NEDD4: variants seen among roughly 807,000 people sequenced by gnomAD.
NEDD4 encodes E3 ubiquitin-protein ligase NEDD4.
Under a neutral mutation model 144.9 loss-of-function variants are expected in NEDD4, and 99 were observed. The observed-to-expected ratio is 0.68, with a 90% CI of 0.58 to 0.81. The LOEUF is 0.81. NEDD4 is among the 30% of genes least tolerant of loss of function. The probability of loss-of-function intolerance (pLI) is 0.00; values close to 1 mark genes in which losing one functional copy is unlikely to be tolerated. For synonymous variants in NEDD4, 318 were observed against 350.6 expected (o/e 0.91, Z 1.04); for missense variants, 985 against 1,065.9 (o/e 0.92, Z 1.06).
intron 4 of NEDD4, among the ~76,000 whole-genome samples, chr15:55,926,355 T>G (rs1595850995): frequency 6.6e-6 from 1 of 152,190 alleles, no homozygotes; most frequent in Admixed American, 6.5e-5. Flanking sequence ...CCCCTTGCAT[T>G]TATCTTTCCT....
At chr15:55,943,493 G>T (rs890847297) in intron 4 of NEDD4, among the ~76,000 whole-genome samples, 3 of 152,194 alleles carry the variant, frequency 2.0e-5, no homozygotes, top group Non-Finnish European at 4.4e-5. Context: ...AAAGGGCCCA[G>T]ATATGTCTCA....
intron 2 of NEDD4, among the ~76,000 whole-genome samples, chr15:55,964,223 G>A (rs1170835002): frequency 6.6e-6 from 1 of 152,020 alleles, no homozygotes; most frequent in Non-Finnish European, 1.5e-5. Context: ...GTGTTAGACT[G>A]TAAGATATTA....
intron 11 of NEDD4, among the ~76,000 whole-genome samples, chr15:55,858,979 G>A (rs1214436150): frequency 3.9e-5 from 6 of 152,214 alleles, no homozygotes; most frequent in East Asian, 3.9e-4. Flanking sequence ...TTGGCCCACC[G>A]GTTGTAGTTT....
At chr15:55,959,797 T>C (rs1218252021) in intron 2 of NEDD4, among the ~76,000 whole-genome samples, 2 of 152,178 alleles carry the variant, frequency 1.3e-5, no homozygotes, top group Admixed American at 6.5e-5. Flanking sequence ...TGCAAGGAAC[T>C]GAATGCCACC....
At chr15:55,840,042 A>ATATATG (rs762826342) in intron 21 of NEDD4, among the ~76,000 whole-genome samples, 2 of 100,686 alleles carry the variant, frequency 2.0e-5, no homozygotes, top group Admixed American at 1.1e-4. Flanking sequence ...ATATATATAT[A>ATATATG]ACATTCATCA....
chr15:55,926,482 T>C (rs959919074), intron 4 of NEDD4, among the ~76,000 whole-genome samples: 1 of 152,120 alleles, frequency 6.6e-6, no homozygotes, highest in Non-Finnish European at 1.5e-5. Flanking sequence ...AAAATAGTGT[T>C]AAGACGGCCG....
At chr15:55,966,045 T>G (rs2037506687) in intron 2 of NEDD4, among the ~76,000 whole-genome samples, 1 of 152,196 alleles carries the variant, frequency 6.6e-6, no homozygotes, top group African/African-American at 2.4e-5. Flanking sequence ...CTACCTGCCC[T>G]CAGACCAATT....
At chr15:55,982,941 G>A (rs1468431807) in intron 1 of NEDD4, among the ~76,000 whole-genome samples, 2 of 152,072 alleles carry the variant, frequency 1.3e-5, no homozygotes, top group African/African-American at 2.4e-5. Flanking sequence ...GGCCAACATG[G>A]TGAAACCCCG....
intron 7 of NEDD4, among the ~76,000 whole-genome samples, chr15:55,871,869 T>G (rs1338275901): frequency 1.3e-5 from 2 of 152,180 alleles, no homozygotes; most frequent in South Asian, 4.1e-4. Flanking sequence ...GTATAGAAGA[T>G]CAAAAGGAGT....
chr15:55,892,313 TAAATAAATAATA>T (rs2035597126), intron 5 of NEDD4, among the ~76,000 whole-genome samples: 1 of 77,122 alleles, frequency 1.3e-5, no homozygotes, highest in Admixed American at 1.4e-4. Context: ...AATAAATAAA[TAAATAAATAATA>T]AATATGAATT....
chr15:55,830,398 T>C, intron 28 of NEDD4, 116 bp downstream of exon 28: 8 of 930,184 alleles, frequency 8.6e-6, no homozygotes, highest in Non-Finnish European at 1.2e-5. Flanking sequence ...TTCTTACCCA[T>C]AATCCATACC....
At chr15:55,984,366 C>T (rs1453836186) in intron 1 of NEDD4, among the ~76,000 whole-genome samples, 2 of 152,114 alleles carry the variant, frequency 1.3e-5, no homozygotes, top group Admixed American at 1.3e-4. Context: ...TCTCATATTC[C>T]TTATCTCTAA....
intron 28 of NEDD4, 150 bp from the exon 29 acceptor site, chr15:55,830,149 T>G (rs2288344): frequency 0.33 from 207,645 of 630,118 alleles, 35,211 homozygotes; most frequent in South Asian, 0.42. Flanking sequence ...GACGTAGGAC[T>G]GGGTTCTGGG....
chr15:55,839,985 AAAAAAAAAAAAAAAATATATATAT>A (rs2033397570), intron 21 of NEDD4, among the ~76,000 whole-genome samples: 2 of 49,580 alleles, frequency 4.0e-5, no homozygotes, highest in African/African-American at 1.7e-4. Flanking sequence ...AAAAAAAAAA[AAAAAAAAAAAAAAAATATATATAT>A]ATATATATAT....
chr15:55,848,677 T>C (rs978849423), intron 15 of NEDD4, 102 bp from the exon 16 acceptor site: 15 of 1,269,502 alleles, frequency 1.2e-5, no homozygotes, highest in Non-Finnish European at 1.6e-5. Flanking sequence ...GCATATTCCA[T>C]TCCATTCTTA....
chr15:55,938,511 AG>A (rs1226531904), intron 4 of NEDD4, among the ~76,000 whole-genome samples: 1 of 152,190 alleles, frequency 6.6e-6, no homozygotes, highest in African/African-American at 2.4e-5. Context: ...AACCCATAGA[AG>A]AAAACAGAGA....
At chr15:55,837,165 C>G (rs1340017313) in intron 24 of NEDD4, among the ~76,000 whole-genome samples, 4 of 152,258 alleles carry the variant, frequency 2.6e-5, no homozygotes, top group Non-Finnish European at 2.9e-5. Flanking sequence ...CACGGTGGCT[C>G]ACACTGGTAA....
At chr15:55,965,161 C>T (rs2037491528) in intron 2 of NEDD4, among the ~76,000 whole-genome samples, 1 of 152,162 alleles carries the variant, frequency 6.6e-6, no homozygotes, top group Admixed American at 6.5e-5. Context: ...TATCATGCAA[C>T]TAATCATCCT....
chr15:55,992,528 G>A (rs2038004211), intron 1 of NEDD4, among the ~76,000 whole-genome samples: 1 of 152,070 alleles, frequency 6.6e-6, no homozygotes, highest in East Asian at 1.9e-4. Flanking sequence ...CTTGATAAAA[G>A]GTACATGTGG....
Sources: gnomAD v4.1 joint callset for allele counts (sites outside exome capture counted in the v4.1 genomes callset) on GRCh38, gnomAD v4.1.1 for gene constraint, MANE v1.5 for transcripts, NCBI Gene and HGNC (gene_info 2026-07-23, HGNC 2026-07-21) for gene names.